The following TGFA variants were observed in gnomAD, a reference collection of about 807,000 sequenced individuals.
TGFA encodes the protein transforming growth factor alpha, also known as protransforming growth factor alpha.
Under a neutral mutation model 21.7 loss-of-function variants are expected in TGFA, and 12 were observed. The observed-to-expected ratio is 0.55, with a 90% CI of 0.35 to 0.90. The LOEUF (loss-of-function observed/expected upper bound fraction) is 0.90, where lower values mean the gene tolerates loss of function less well. TGFA is among the 40% of genes least tolerant of loss of function. The probability of loss-of-function intolerance (pLI) is 0.01; values close to 1 mark genes in which losing one functional copy is unlikely to be tolerated. For synonymous variants in TGFA, 79 were observed against 88.1 expected (o/e 0.90, Z 0.58); for missense variants, 178 against 210.8 (o/e 0.84, Z 0.96).
At chr2:70,461,225 G>A (rs1670396068) in intron 3 of TGFA, among the ~76,000 whole-genome samples, 1 of 152,194 alleles carries the variant, frequency 6.6e-6, no homozygotes, top group Admixed American at 6.5e-5. Context: ...CCTGCCTGGT[G>A]TGTGACCCCC....
chr2:70,462,273 C>T (rs782741578), intron 3 of TGFA, among the ~76,000 whole-genome samples: 14 of 152,158 alleles, frequency 9.2e-5, no homozygotes, highest in Non-Finnish European at 1.8e-4. Context: ...ACTGTAAATA[C>T]AAAAAGGGAT....
chr2:70,523,216 C>T (rs1367858872), intron 1 of TGFA, among the ~76,000 whole-genome samples: 1 of 152,124 alleles, frequency 6.6e-6, no homozygotes, highest in Non-Finnish European at 1.5e-5. Context: ...GTTGGCTTTT[C>T]CTGAAACTTT....
intron 1 of TGFA, among the ~76,000 whole-genome samples, chr2:70,546,508 G>T (rs1553505912): frequency 6.6e-6 from 1 of 151,888 alleles, no homozygotes; most frequent in Non-Finnish European, 1.5e-5. Context: ...TTTGTTTTGA[G>T]ACAGGGCCAG....
chr2:70,553,707 C>T (rs1553507203), intron 1 of TGFA, 21 bp downstream of exon 1: 4 of 1,326,240 alleles, frequency 3.0e-6, no homozygotes, highest in African/African-American at 3.1e-5. Flanking sequence ...GCGCAGGGGG[C>T]GCCGCAGCCG....
At chr2:70,495,542 C>G (rs1178506835) in intron 2 of TGFA, among the ~76,000 whole-genome samples, 1 of 152,146 alleles carries the variant, frequency 6.6e-6, no homozygotes, top group Non-Finnish European at 1.5e-5. Context: ...ACAGGTCTCT[C>G]TATTAGTCAA....
chr2:70,551,559 G>C (rs1237703158), intron 1 of TGFA, among the ~76,000 whole-genome samples: 1 of 152,136 alleles, frequency 6.6e-6, no homozygotes, highest in East Asian at 1.9e-4. Flanking sequence ...AAAATCAGAG[G>C]GGAAAGCAGC....
At chr2:70,471,118 A>G (rs3771509) in intron 2 of TGFA, among the ~76,000 whole-genome samples, 65 of 113,028 alleles carry the variant, frequency 5.8e-4, no homozygotes, top group East Asian at 2.0e-3. Context: ...CACCCCCCCC[A>G]CCATATAACC....
At chr2:70,519,165 G>A (rs1672375286) in intron 1 of TGFA, among the ~76,000 whole-genome samples, 1 of 152,120 alleles carries the variant, frequency 6.6e-6, no homozygotes, top group Admixed American at 6.5e-5. Flanking sequence ...AGGGCAGCAG[G>A]TTTCCCCCTT....
In TGFA at chr2:70,553,760, G is replaced by A. The variant is rs782230526; in HGVS notation, c.8C>T (p.Pro3Leu). The change falls in exon 1 of 6, where the codon CCC becomes CTC. Residue 3 changes from proline (P) to leucine (L), a missense_variant. Coordinates refer to ENST00000295400, the MANE Select transcript of TGFA (RefSeq NM_003236.4). ...GAACAGGGCGAGCTGTCCAGCCGAG[G>A]GGACCATTTTACGGGCGGGCGGGCA... Reference protein sequence around the residue: MVPSAGQLALFAL... With the variant: MVLSAGQLALFAL... The A allele has an allele frequency of 1.5e-6, 2 of 1,292,104 alleles. No homozygotes were observed. The highest frequency in any genetic ancestry group is 2.0e-6 in the Non-Finnish European group (2 of 1,012,940). 80.0% of individuals were successfully genotyped at this position (1,292,104 alleles called of 1,614,324 possible).
intron 1 of TGFA, among the ~76,000 whole-genome samples, chr2:70,542,560 C>G (rs1445155005): frequency 6.6e-6 from 1 of 152,158 alleles, no homozygotes; most frequent in Admixed American, 6.5e-5. Flanking sequence ...ACAATAAATT[C>G]TCTCATATAA....
At chr2:70,487,525 C>T (rs1671303959) in intron 2 of TGFA, among the ~76,000 whole-genome samples, 1 of 152,090 alleles carries the variant, frequency 6.6e-6, no homozygotes, top group African/African-American at 2.4e-5. Context: ...GGGCATGAAA[C>T]AAAGTTTTGA....
At chr2:70,537,301 T>A (rs1484677710) in intron 1 of TGFA, among the ~76,000 whole-genome samples, 2 of 152,160 alleles carry the variant, frequency 1.3e-5, no homozygotes, top group African/African-American at 4.8e-5. Flanking sequence ...GACACAATAA[T>A]ATTAAAACTA....
At chr2:70,488,365 T>C (rs1360370503) in intron 2 of TGFA, among the ~76,000 whole-genome samples, 2 of 152,246 alleles carry the variant, frequency 1.3e-5, no homozygotes, top group Admixed American at 6.5e-5. Context: ...AAACCATCTA[T>C]ATTTAGTGCA....
At position 70,449,315 on chromosome 2, in the gene TGFA, A is replaced by C. The variant is rs1669980101; in HGVS notation, c.*1544T>G. 1 of 152,392 alleles carries C rather than the reference A, an allele frequency of 6.6e-6. No homozygotes were observed. Among genetic ancestry groups the C allele is most frequent in the South Asian group, 2.1e-4 (1 of 4,842 alleles). 9.4% of individuals were successfully genotyped at this position (152,392 alleles called of 1,614,324 possible). ...ATTTTAAATGTACCTTTCACGATGTAATAAGCTAGGTGCACTTAAGAGTTA... is the reference window on the plus strand; with the variant it reads ...ATTTTAAATGTACCTTTCACGATGTCATAAGCTAGGTGCACTTAAGAGTTA... On this transcript the variant is annotated 3_prime_UTR_variant, in exon 6 of 6. Transcript: ENST00000295400.
At chr2:70,474,303 G>A (rs1670859689) in intron 2 of TGFA, among the ~76,000 whole-genome samples, 1 of 152,214 alleles carries the variant, frequency 6.6e-6, no homozygotes, top group Non-Finnish European at 1.5e-5. Flanking sequence ...ACTGAAATTT[G>A]ATCTCAGTTT....
chr2:70,525,360 G>GC (rs1480833892), intron 1 of TGFA, among the ~76,000 whole-genome samples: 1 of 152,158 alleles, frequency 6.6e-6, no homozygotes, highest in Admixed American at 6.5e-5. Context: ...GGACAATGCT[G>GC]CCCCATTGCT....
intron 2 of TGFA, among the ~76,000 whole-genome samples, chr2:70,492,445 G>GC (rs1448432025): frequency 6.6e-6 from 1 of 152,132 alleles, no homozygotes; most frequent in Non-Finnish European, 1.5e-5. Flanking sequence ...GTGGCTGCAT[G>GC]CCCCATTTCT....
chr2:70,471,238 C>T (rs1221572552), intron 2 of TGFA, among the ~76,000 whole-genome samples: 2 of 152,122 alleles, frequency 1.3e-5, no homozygotes, highest in Admixed American at 6.5e-5. Context: ...AGAACGGGTT[C>T]CTCTTCCACT....
At chr2:70,549,557 G>A (rs898154472) in intron 1 of TGFA, among the ~76,000 whole-genome samples, 7 of 152,150 alleles carry the variant, frequency 4.6e-5, no homozygotes, top group Admixed American at 3.9e-4. Context: ...CTGCTGTAGA[G>A]GATACTACAG....
Sources: allele counts gnomAD v4.1 joint callset (sites outside exome capture counted in the v4.1 genomes callset), GRCh38; gene constraint gnomAD v4.1.1; transcripts MANE v1.5; gene names NCBI Gene and HGNC (gene_info 2026-07-23, HGNC 2026-07-21).